The following ADA variants were observed in gnomAD, a reference collection of about 807,000 sequenced individuals.
ADA encodes the protein adenosine deaminase, also known as adenosine aminohydrolase.
ADA carries 45 observed loss-of-function variants against 49.0 expected under a neutral mutation model. The ratio of observed to expected loss-of-function variants is 0.92; its 90% CI spans 0.72 to 1.18. The LOEUF (loss-of-function observed/expected upper bound fraction) is 1.18. Ranked by LOEUF, ADA falls within the 50% of genes most tolerant of loss-of-function variation. The pLI, the probability that ADA is intolerant of heterozygous loss-of-function variation, is 0.00. For missense variants in ADA, 445 were observed against 472.5 expected (o/e 0.94, Z 0.54); for synonymous variants, 173 against 184.2 (o/e 0.94, Z 0.49).
chr20:44,626,924 C>T (rs1271543973), intron 3 of ADA, among the ~76,000 whole-genome samples: 4 of 152,164 alleles, frequency 2.6e-5, no homozygotes, highest in African/African-American at 7.2e-5. Flanking sequence ...AAGCATATCA[C>T]TTCTCCCCTC....
chr20:44,640,615 C>T (rs569086402), intron 1 of ADA, among the ~76,000 whole-genome samples: 6 of 150,016 alleles, frequency 4.0e-5, no homozygotes, highest in South Asian at 2.1e-4. Flanking sequence ...TCCAGTGAGC[C>T]GAGATTAAAT....
At chr20:44,650,912 C>T (rs1275825797) in intron 1 of ADA, among the ~76,000 whole-genome samples, 2 of 152,210 alleles carry the variant, frequency 1.3e-5, no homozygotes, top group Non-Finnish European at 2.9e-5. Flanking sequence ...AGTCCCAAGA[C>T]GCCACAGCTG....
intron 5 of ADA, 71 bp downstream of exon 5, chr20:44,625,498 C>T: frequency 7.3e-7 from 1 of 1,371,712 alleles, no homozygotes; most frequent in Non-Finnish European, 1.0e-6. Context: ...AGGTACAGCC[C>T]CACTGCTAGG....
chr20:44,633,602 G>C (rs1403612126), intron 2 of ADA, among the ~76,000 whole-genome samples: 1 of 152,218 alleles, frequency 6.6e-6, no homozygotes, highest in African/African-American at 2.4e-5. Flanking sequence ...CCGTAGAGAG[G>C]AAGGCCAGAG....
chr20:44,626,046 C>G (rs2065379615), intron 4 of ADA, among the ~76,000 whole-genome samples: 1 of 152,166 alleles, frequency 6.6e-6, no homozygotes, highest in African/African-American at 2.4e-5. Flanking sequence ...ACTTAGAGAT[C>G]CATGGGGGCC....
intron 1 of ADA, among the ~76,000 whole-genome samples, chr20:44,648,376 C>A (rs2065611877): frequency 6.6e-6 from 1 of 152,078 alleles, no homozygotes; most frequent in African/African-American, 2.4e-5. Flanking sequence ...CGAAGGAATC[C>A]AAGAGTGGCC....
At chr20:44,625,005 T>C (rs1014929175) in intron 5 of ADA, among the ~76,000 whole-genome samples, 1 of 152,268 alleles carries the variant, frequency 6.6e-6, no homozygotes, top group Non-Finnish European at 1.5e-5. Context: ...TCTTTGGTTC[T>C]TACTAATCCT....
At chr20:44,637,374 A>C (rs1229145051) in intron 1 of ADA, among the ~76,000 whole-genome samples, 2 of 152,148 alleles carry the variant, frequency 1.3e-5, no homozygotes, top group Non-Finnish European at 2.9e-5. Flanking sequence ...GTAGGTGGAC[A>C]TGGATAGCCC....
chr20:44,625,546 G>A (rs776757485), intron 5 of ADA, 23 bp downstream of exon 5: 71 of 1,556,478 alleles, frequency 4.6e-5, no homozygotes, highest in Non-Finnish European at 6.1e-5. Flanking sequence ...GGCGGCCCTG[G>A]GCAGGGCGGT....
rs766952213 is a variant in ADA, at chr20:44,622,876, C to A, written c.733G>T (p.Asp245Tyr). 6.2e-7 allele frequency: 1 copy of A among 1,614,254 alleles called. No homozygotes were observed. The highest frequency in any genetic ancestry group is 8.5e-7 in the Non-Finnish European group (1 of 1,180,042). Residue 245 changes from aspartate to tyrosine, a missense_variant, in exon 8 of 12, where the codon GAC becomes TAC. Physicochemically the swap from Asp to Tyr is radical, Grantham distance 160. Transcript: ENST00000372874. ...CGCAGCCTGTTATAAAGGGCCTGGT[C>A]TTCCAGGGTGTGGTAGCCGTGTCCC... ...RLGHGYHTLE[D>Y]QALYNRLRQE...
chr20:44,636,395 C>A, intron 1 of ADA, 107 bp from the exon 2 acceptor site: 1 of 951,198 alleles, frequency 1.1e-6, no homozygotes, highest in Non-Finnish European at 1.6e-6. Flanking sequence ...ATCATGATAA[C>A]CATTAGCCAC....
chr20:44,619,574 G>A lies in ADA; in HGVS notation c.*260C>T. ...ATTGAGCACCAGATTTTCAGTACAAGTTGCCACAGAAGGAGGGTTTCAGAT... is the reference window on the plus strand; with the variant it reads ...ATTGAGCACCAGATTTTCAGTACAAATTGCCACAGAAGGAGGGTTTCAGAT... On this transcript the variant is annotated 3_prime_UTR_variant, in exon 12 of 12. Coordinates refer to ENST00000372874, the MANE Select transcript of ADA (RefSeq NM_000022.4). 2.0e-6 allele frequency: 1 copy of A among 490,524 alleles called. No individual in the cohort carries two copies. Among genetic ancestry groups the A allele is most frequent in the South Asian group, 2.1e-5 (1 of 46,758 alleles). The allele number at this position is 490,524 out of a possible 1,614,324, so 30.4% of individuals were successfully genotyped here.
intron 2 of ADA, among the ~76,000 whole-genome samples, chr20:44,629,888 G>A (rs773268483): frequency 3.9e-5 from 6 of 152,146 alleles, no homozygotes; most frequent in Non-Finnish European, 7.4e-5. Flanking sequence ...CCAGCCACGG[G>A]AAGCAGGGTG....
Position 44,647,232 on chromosome 20 carries a change from C to T in ADA, c.33+4343G>A, listed in dbSNP as rs538834644. Among the ~76,000 whole-genome samples the T allele has an allele frequency of 1.0e-3, 156 of 151,996 alleles. 1 individual carries two copies. The highest frequency in any genetic ancestry group is 3.6e-3 in the African/African-American group (149 of 41,384). On this transcript the variant is annotated intron_variant, in intron 1 of 11. Coordinates refer to ENST00000372874, the MANE Select transcript of ADA (RefSeq NM_000022.4). ...GGCGGATCACCTGAAGTCGGGAGTTCGAGACCAGCCTGGCCAACAAGGAGA... is the reference window on the plus strand; with the variant it reads ...GGCGGATCACCTGAAGTCGGGAGTTTGAGACCAGCCTGGCCAACAAGGAGA...
At position 44,625,670 on chromosome 20, in the gene ADA, G is replaced by T. The variant is rs1233957241; in HGVS notation, c.377C>A (p.Pro126Gln). 10 of 1,563,916 alleles carry T rather than the reference G, an allele frequency of 6.4e-6. No individual in the cohort carries two copies. Among genetic ancestry groups the T allele is most frequent in the Non-Finnish European group, 8.7e-6 (10 of 1,153,442 alleles). Residue 126 changes from proline (P) to glutamine (Q), a missense_variant, in exon 5 of 12, where the codon CCA becomes CAA. By Grantham distance (76) the Pro-to-Gln change is moderately conservative. Transcript: ENST00000372874. ...GCCCACTAGGGCCACCACCTCGTCT[G>T]GGGTGAGGTCCCCTCTGTGTGAGGA... The part of the protein sequence containing the change: ...PWNQAEGDLT[P>Q]DEVVALVGQG...
intron 1 of ADA, among the ~76,000 whole-genome samples, chr20:44,644,093 C>A (rs80132323): frequency 1.4e-5 from 2 of 142,278 alleles, no homozygotes; most frequent in Non-Finnish European, 3.1e-5. Context: ...ACCTCCAAGG[C>A]AAACCTAGTC....
chr20:44,642,227 C>A (rs1352620260), intron 1 of ADA, among the ~76,000 whole-genome samples: 1 of 152,154 alleles, frequency 6.6e-6, no homozygotes, highest in Non-Finnish European at 1.5e-5. Context: ...GAGGGACAAG[C>A]AGTATGAGGT....
intron 1 of ADA, 77 bp downstream of exon 1, chr20:44,651,498 C>T (rs1368300174): frequency 1.4e-6 from 2 of 1,432,996 alleles, no homozygotes; most frequent in African/African-American, 1.4e-5. Flanking sequence ...TTTGGACGCC[C>T]CGGGCTGGGC....
intron 1 of ADA, among the ~76,000 whole-genome samples, chr20:44,650,587 A>G (rs2065635120): frequency 1.3e-5 from 2 of 150,680 alleles, no homozygotes; most frequent in South Asian, 2.1e-4. Flanking sequence ...ACCACCACAC[A>G]CACTTCCCCT....
Sources: gnomAD v4.1 joint callset for allele counts (sites outside exome capture counted in the v4.1 genomes callset) on GRCh38, gnomAD v4.1.1 for gene constraint, MANE v1.5 for transcripts, NCBI Gene and HGNC (gene_info 2026-07-23, HGNC 2026-07-21) for gene names.